RGS6: variants seen among roughly 807,000 people sequenced by gnomAD.
RGS6 encodes regulator of G-protein signaling 6.
Under a neutral mutation model 78.5 loss-of-function variants are expected in RGS6, and 30 were observed. The ratio of observed to expected loss-of-function variants is 0.38; its 90% CI spans 0.29 to 0.52. RGS6 has a LOEUF of 0.52. RGS6 is among the 20% of genes least tolerant of loss of function. RGS6 has a pLI of 0.85. For missense variants in RGS6, 495 were observed against 609.7 expected (o/e 0.81, Z 1.98); for synonymous variants, 206 against 206.0 (o/e 1.00, Z 0.00).
chr14:72,295,696 G>C (rs1275513422), intron 2 of RGS6, among the ~76,000 whole-genome samples: 2 of 152,050 alleles, frequency 1.3e-5, no homozygotes, highest in African/African-American at 4.8e-5. Context: ...GAATTGTAAG[G>C]CTTAATATAA....
chr14:72,511,450 C>T (rs182551628), intron 14 of RGS6, among the ~76,000 whole-genome samples: 1 of 152,230 alleles, frequency 6.6e-6, no homozygotes, highest in African/African-American at 2.4e-5. Context: ...CTGAGAGATG[C>T]AAGTCAAGAT....
At chr14:72,472,665 C>T (rs768178520) in intron 8 of RGS6, among the ~76,000 whole-genome samples, 1 of 152,102 alleles carries the variant, frequency 6.6e-6, no homozygotes, top group Admixed American at 6.6e-5. Flanking sequence ...AAAACAAGTT[C>T]TCTTACCATG....
chr14:72,216,404 T>A (rs949914787), intron 2 of RGS6, among the ~76,000 whole-genome samples: 5 of 152,212 alleles, frequency 3.3e-5, no homozygotes, highest in Admixed American at 3.3e-4. Context: ...TCCAATTAGT[T>A]ACCGCAGGTA....
chr14:72,120,930 T>C (rs573862616), intron 2 of RGS6, among the ~76,000 whole-genome samples: 7 of 152,328 alleles, frequency 4.6e-5, no homozygotes, highest in Admixed American at 3.3e-4. Context: ...AAGGTGTGTA[T>C]TTTATTGTAT....
chr14:72,537,985 C>T (rs2153503560), intron 16 of RGS6, among the ~76,000 whole-genome samples: 1 of 152,352 alleles, frequency 6.6e-6, no homozygotes, highest in South Asian at 2.1e-4. Context: ...AACTGGCAAC[C>T]TGCCTGGGAA....
chr14:72,368,061 G>A (rs1364440127), intron 3 of RGS6, among the ~76,000 whole-genome samples: 1 of 152,174 alleles, frequency 6.6e-6, no homozygotes, highest in African/African-American at 2.4e-5. Flanking sequence ...GTCTTCTGCT[G>A]TTGTAACAGA....
At chr14:72,453,648 CAGACTCTTA>C (rs2153228579) in intron 3 of RGS6, among the ~76,000 whole-genome samples, 1 of 142,896 alleles carries the variant, frequency 7.0e-6, no homozygotes, top group South Asian at 2.2e-4. Context: ...AAAGTTCCTT[CAGACTCTTA>C]AGATTTATAT....
intron 2 of RGS6, among the ~76,000 whole-genome samples, chr14:72,018,885 T>C (rs1473429410): frequency 2.0e-5 from 3 of 152,348 alleles, no homozygotes; most frequent in South Asian, 2.1e-4. Context: ...TTCTTTCTTA[T>C]TGCAGGTTCA....
intron 2 of RGS6, among the ~76,000 whole-genome samples, chr14:72,278,375 T>C (rs1291242959): frequency 6.6e-6 from 1 of 152,148 alleles, no homozygotes; most frequent in Non-Finnish European, 1.5e-5. Flanking sequence ...AGAAAGGATG[T>C]CAAGAGCAGA....
intron 17 of RGS6, chr14:72,550,460 G>T: frequency 6.5e-7 from 1 of 1,535,530 alleles, no homozygotes. Context: ...AACAGGAAAA[G>T]ACAGACTGTC....
intron 2 of RGS6, among the ~76,000 whole-genome samples, chr14:72,125,863 C>T (rs1478708627): frequency 1.3e-5 from 2 of 152,086 alleles, no homozygotes; most frequent in East Asian, 3.9e-4. Context: ...GTGGTCTCAG[C>T]CAGTTTGAAC....
At chr14:71,976,758 G>T (rs1412495614) in intron 2 of RGS6, among the ~76,000 whole-genome samples, 1 of 151,624 alleles carries the variant, frequency 6.6e-6, no homozygotes, top group East Asian at 1.9e-4. Context: ...ATGATTTATA[G>T]TCCTTTGGGT....
intron 17 of RGS6, among the ~76,000 whole-genome samples, chr14:72,559,824 C>T (rs112255338): frequency 0.017 from 2,629 of 152,202 alleles, 36 homozygotes; most frequent in Non-Finnish European, 0.028. Context: ...GAATAATTAG[C>T]ACCTTCAAGC....
intron 2 of RGS6, among the ~76,000 whole-genome samples, chr14:72,180,221 C>G (rs551592235): frequency 6.6e-6 from 1 of 152,340 alleles, no homozygotes; most frequent in African/African-American, 2.4e-5. Context: ...TACATCTGAG[C>G]TGGCATTTTG....
At chr14:71,901,101 T>G in the RGS6 span, among the ~76,000 whole-genome samples, 1 of 152,246 alleles carries the variant, frequency 6.6e-6, no homozygotes, top group Non-Finnish European at 1.5e-5. Flanking sequence ...AACATGAGAC[T>G]TGGAGAGGAT....
At chr14:72,195,550 A>G (rs1189761344) in intron 2 of RGS6, among the ~76,000 whole-genome samples, 1 of 152,230 alleles carries the variant, frequency 6.6e-6, no homozygotes, top group East Asian at 1.9e-4. Context: ...AGCAAAGGAG[A>G]TGCAGAAGGA....
chr14:72,376,526 C>G (rs1216867364), intron 3 of RGS6, among the ~76,000 whole-genome samples: 1 of 152,162 alleles, frequency 6.6e-6, no homozygotes, highest in Non-Finnish European at 1.5e-5. Flanking sequence ...CCCACAGGTC[C>G]TCTCTGAGGC....
chr14:72,480,222 C>T (rs776235985), intron 12 of RGS6, among the ~76,000 whole-genome samples: 3 of 152,212 alleles, frequency 2.0e-5, no homozygotes, highest in Non-Finnish European at 4.4e-5. Flanking sequence ...GACCTGAGAG[C>T]TCACATCCAA....
chr14:72,540,589 G>A (rs2097311667), intron 17 of RGS6: 1 of 1,513,204 alleles, frequency 6.6e-7, no homozygotes, highest in Non-Finnish European at 8.9e-7. Flanking sequence ...CTTTTGCTGT[G>A]TGCAGAAAGC....
Sources: gnomAD v4.1 joint callset for allele counts (sites outside exome capture counted in the v4.1 genomes callset) on GRCh38, gnomAD v4.1.1 for gene constraint, MANE v1.5 for transcripts, NCBI Gene and HGNC (gene_info 2026-07-23, HGNC 2026-07-21) for gene names.